AKAP9: variants seen among roughly 807,000 people sequenced by gnomAD.
AKAP9 encodes A-kinase anchoring protein 9, also known as A-kinase anchor protein 9.
A neutral mutation model predicts 488.5 loss-of-function variants in AKAP9; 311 were observed. That is an observed-to-expected ratio of 0.64 (90% CI 0.58 to 0.70). AKAP9 has a LOEUF of 0.70. AKAP9 is among the 30% of genes least tolerant of loss of function. The probability of loss-of-function intolerance (pLI) is 0.00; values close to 1 mark genes in which losing one functional copy is unlikely to be tolerated. For missense variants in AKAP9, 4,215 were observed against 4,374.5 expected, an observed-to-expected ratio of 0.96 and a Z score of 1.03; for synonymous variants, 1,462 against 1,483.5, an observed-to-expected ratio of 0.99 and a Z score of 0.33.
intron 1 of AKAP9, among the ~76,000 whole-genome samples, chr7:91,972,125 A>C (rs1428110012): frequency 6.6e-6 from 1 of 151,872 alleles, no homozygotes; most frequent in Non-Finnish European, 1.5e-5. Context: ...TAAGGTCCCA[A>C]AGGCCCCTAG....
In AKAP9 at chr7:92,077,757, A is replaced by G; in HGVS notation, c.6827A>G (p.Gln2276Arg). Reference protein sequence around the residue: ...KESDAMSTQDQHVLFGKFAQI... With the variant: ...KESDAMSTQDRHVLFGKFAQI... The stretch of plus-strand genomic sequence containing the variant: ...TCTGATGCCATGTCTACTCAAGACC[A>G]ACATGTGCTATTTGGGAAATTTGCT... Residue 2276 changes from glutamine (Q) to arginine (R), a missense_variant, in exon 30 of 50, where the codon CAA (glutamine) becomes CGA (arginine). Coordinates refer to ENST00000356239, the MANE Select transcript of AKAP9 (RefSeq NM_005751.5). 1 of 1,613,970 alleles carries G rather than the reference A, an allele frequency of 6.2e-7. No individual in the cohort carries two copies. Among genetic ancestry groups the G allele is most frequent in the Non-Finnish European group, 8.5e-7 (1 of 1,179,926 alleles).
At chr7:92,000,822 T>A in intron 7 of AKAP9, 26 bp from the exon 8 acceptor site, 1 of 1,238,890 alleles carries the variant, frequency 8.1e-7, no homozygotes. Flanking sequence ...AATGCCATTC[T>A]TACATTTTCA....
intron 8 of AKAP9, among the ~76,000 whole-genome samples, chr7:92,010,846 G>A (rs1163337844): frequency 6.6e-6 from 1 of 151,682 alleles, no homozygotes; most frequent in Admixed American, 6.6e-5. Context: ...TTAGAGATGG[G>A]GTCTTTCTGT....
chr7:91,977,270 A>T (rs972041888), intron 2 of AKAP9, among the ~76,000 whole-genome samples: 1 of 149,006 alleles, frequency 6.7e-6, no homozygotes, highest in African/African-American at 2.5e-5. Context: ...AAAAAACAAC[A>T]CAAGGGCCGG....
rs543307678 is a variant in AKAP9, at chr7:91,994,077, C to T, written c.577-544C>T. Among the ~76,000 whole-genome samples the T allele has an allele frequency of 5.9e-5, 9 of 152,134 alleles. No individual in the cohort carries two copies. In the South Asian group the frequency reaches 1.7e-3, roughly 28 times the overall value. ...CCAGGAGATTGAGGCTGTAGTGAGCCAAAATCACACCGCTGCACTCTAGCC... is the reference window on the plus strand; with the variant it reads ...CCAGGAGATTGAGGCTGTAGTGAGCTAAAATCACACCGCTGCACTCTAGCC... On this transcript the variant is annotated intron_variant, in intron 5 of 49. Transcript: ENST00000356239.
At chr7:92,093,496 C>T (rs575546301) in intron 39 of AKAP9, among the ~76,000 whole-genome samples, 180 bp downstream of exon 39, 17 of 152,134 alleles carry the variant, frequency 1.1e-4, no homozygotes, top group Non-Finnish European at 1.9e-4. Flanking sequence ...AACTTATGAT[C>T]GTGATTATAG....
rs34956633 is a variant in AKAP9 at position 92,097,290 on chromosome 7, A to G, written c.10331A>G (p.Gln3444Arg). Reference sequence around the variant, plus strand: ...CTACAAGGAATCATGCAGGAATTCCAGAAGCAAGAACTAGAACGAGAAGAA... The same window carrying G: ...CTACAAGGAATCATGCAGGAATTCCGGAAGCAAGAACTAGAACGAGAAGAA... Reference protein sequence around the residue: ...QRLQGIMQEFQKQELEREEKR... With the variant: ...QRLQGIMQEFRKQELEREEKR... The change falls in exon 41 of 50, where the codon CAG becomes CGG. Residue 3444 changes from glutamine (Q) to arginine (R), a missense_variant. By Grantham distance (43) the Gln-to-Arg change is conservative. Around this residue, in one of 5 missense-constraint regions of AKAP9, gnomAD observed 1,476 missense variants for 1,477.4 expected, o/e 1.00. Coordinates refer to ENST00000356239, the MANE Select transcript of AKAP9 (RefSeq NM_005751.5). The G allele has an allele frequency of 2.7e-3, 4,412 of 1,613,946 alleles. 116 individuals are homozygous for G. In the African/African-American group the frequency reaches 0.049, roughly 18 times the overall value.
chr7:91,948,089 A>C (rs186163252), intron 1 of AKAP9, among the ~76,000 whole-genome samples: 118 of 152,320 alleles, frequency 7.7e-4, no homozygotes, highest in Middle Eastern at 3.4e-3. Flanking sequence ...GTATGTTTTC[A>C]AGGTTCATCC....
intron 10 of AKAP9, 27 bp from the exon 11 acceptor site, chr7:92,016,102 T>C (rs767203614): frequency 6.3e-7 from 1 of 1,579,198 alleles, no homozygotes; most frequent in South Asian, 1.1e-5. Context: ...TTAAATTCCT[T>C]AAAATACACA....
chr7:91,989,340 A>G lies in AKAP9; in HGVS notation c.352-2818A>G, dbSNP rs375079749. ...CAAGATCTCTTTTGTAGAAATATGT[A>G]TCCTATTATGTACACTAGAGAAATC... is the stretch of plus-strand genomic sequence containing the variant. On this transcript the variant is annotated intron_variant, in intron 3 of 49. Coordinates refer to ENST00000356239, the MANE Select transcript of AKAP9 (RefSeq NM_005751.5). Among the ~76,000 whole-genome samples the G allele has an allele frequency of 2.6e-5, 4 of 152,282 alleles. 1 individual carries two copies.
At position 92,089,250 on chromosome 7, in the gene AKAP9, G is replaced by A. The variant is rs1815114829; in HGVS notation, c.9214-135G>A. On this transcript the variant is annotated intron_variant, in intron 37 of 49. Coordinates refer to ENST00000356239, the MANE Select transcript of AKAP9 (RefSeq NM_005751.5). ...AGCATATCCTCATACATTTTGGAAA[G>A]GAAAAATAAGAAAATTTTTTAAAAA... is the stretch of plus-strand genomic sequence containing the variant. 1.3e-5 allele frequency: 11 copies of A among 841,064 alleles called. 1 individual carries two copies. The South Asian group carries it at 1.5e-4, about 12-fold the overall frequency. 52.1% of individuals were successfully genotyped at this position (841,064 alleles called of 1,614,324 possible). A position where few individuals can be genotyped will look rare whatever the true frequency, so the allele number is the denominator to read the frequency against.
At position 92,001,516 on chromosome 7, in the gene AKAP9, T is replaced by C. The variant is rs749682259; in HGVS notation, c.1599T>C (p.Leu533=). The C allele has an allele frequency of 1.2e-6, 2 of 1,613,888 alleles. No homozygotes were observed. Among genetic ancestry groups the C allele is most frequent in the African/African-American group, 1.3e-5 (1 of 75,044 alleles). The part of the protein sequence containing the change: ...KCALQRQLED[L]VEELSFSREQ... ...CTCTACAGAGACAGCTTGAAGACCT[T>C]GTTGAAGAATTGAGCTTTTCAAGGG... Residue 533 remains leucine, a synonymous_variant, in exon 8 of 50, where the codon CTT becomes CTC. Transcript: ENST00000356239.
At chr7:92,095,407 C>A (rs1222024845) in intron 40 of AKAP9, among the ~76,000 whole-genome samples, 1 of 152,116 alleles carries the variant, frequency 6.6e-6, no homozygotes, top group Non-Finnish European at 1.5e-5. Flanking sequence ...ATATAGACTG[C>A]TCTGCTGCAA....
chr7:92,077,115 A>C (rs1812736885), intron 29 of AKAP9, 108 bp downstream of exon 29: 1 of 194,598 alleles, frequency 5.1e-6, no homozygotes, highest in Non-Finnish European at 7.0e-6. Context: ...TTTTTTTTTG[A>C]GACTTAGTCT....
chr7:92,007,083 C>T (rs1799969370), intron 8 of AKAP9, among the ~76,000 whole-genome samples: 1 of 151,970 alleles, frequency 6.6e-6, no homozygotes, highest in East Asian at 1.9e-4. Context: ...TACCAAGAAC[C>T]AACAGTGAAA....
chr7:92,038,873 A>G lies in AKAP9; in HGVS notation c.4692+101A>G, dbSNP rs1437372254. On this transcript the variant is annotated intron_variant, in intron 17 of 49. Coordinates refer to ENST00000356239, the MANE Select transcript of AKAP9 (RefSeq NM_005751.5). ...GTGCTGCTTAATGTTTGGAGGAGGAAAATATCAAATTCAGTCTTATGACTC... is the reference window on the plus strand; with the variant it reads ...GTGCTGCTTAATGTTTGGAGGAGGAGAATATCAAATTCAGTCTTATGACTC... The G allele has an allele frequency of 1.2e-5, 10 of 824,406 alleles. No individual in the cohort carries two copies. The South Asian group carries it at 1.7e-4, about 14-fold the overall frequency. The allele number at this position is 824,406 out of a possible 1,614,324, so 51.1% of individuals were successfully genotyped here.
chr7:92,006,853 T>A (rs1189533451), intron 8 of AKAP9, among the ~76,000 whole-genome samples: 1 of 152,166 alleles, frequency 6.6e-6, no homozygotes, highest in African/African-American at 2.4e-5. Flanking sequence ...TTGAAGTGTA[T>A]GTGTTTAAAA....
At chr7:91,984,490 T>G (rs562394966) in intron 3 of AKAP9, among the ~76,000 whole-genome samples, 134 of 152,306 alleles carry the variant, frequency 8.8e-4, no homozygotes, top group African/African-American at 3.2e-3. Flanking sequence ...TTGGTCTATA[T>G]CTCTGTTTTG....
intron 28 of AKAP9, among the ~76,000 whole-genome samples, chr7:92,073,086 C>T (rs896687278): frequency 1.3e-5 from 2 of 152,160 alleles, no homozygotes; most frequent in African/African-American, 4.8e-5. Flanking sequence ...ATTTAGTGAG[C>T]TCTTAATGCA....
Sources: gnomAD v4.1 joint callset for allele counts (sites outside exome capture counted in the v4.1 genomes callset) on GRCh38, gnomAD v4.1.1 for gene constraint, gnomAD v4.1.1 regional missense constraint, MANE v1.5 for transcripts, NCBI Gene and HGNC (gene_info 2026-07-23, HGNC 2026-07-21) for gene names.